The following CCNG2 variants were observed in gnomAD, a reference collection of about 807,000 sequenced individuals.
CCNG2 encodes the protein cyclin-G2.
In CCNG2, 20 loss-of-function variants were observed where a neutral mutation model predicts 36.5. The observed-to-expected ratio is 0.55, with a 90% CI of 0.39 to 0.80. The LOEUF (loss-of-function observed/expected upper bound fraction) is 0.80. Among genes scored for constraint, CCNG2 ranks in the 30% least tolerant of loss-of-function variants. The probability of loss-of-function intolerance (pLI) is 0.00; values close to 1 mark genes in which losing one functional copy is unlikely to be tolerated. For missense variants in CCNG2, 358 were observed against 390.8 expected (o/e 0.92, Z 0.71); for synonymous variants, 155 against 140.1 (o/e 1.11, Z -0.75).
At chr4:77,161,580 GTATA>G in intron 5 of CCNG2, 22 bp downstream of exon 5, 1 of 1,587,644 alleles carries the variant, frequency 6.3e-7, no homozygotes, top group Middle Eastern at 1.7e-4. Context: ...CCTTGCTTAT[GTATA>G]TATCTCACAG....
At chr4:77,159,237 T>C (rs1731360397) in intron 2 of CCNG2, 130 bp from the exon 3 acceptor site, 6 of 731,764 alleles carry the variant, frequency 8.2e-6, no homozygotes, top group South Asian at 1.9e-5. Context: ...TCCACCTATA[T>C]TCTTGAAGAT....
intron 2 of CCNG2, 114 bp from the exon 3 acceptor site, chr4:77,159,253 G>GA: frequency 1.1e-6 from 1 of 916,698 alleles, no homozygotes; most frequent in Non-Finnish European, 1.6e-6. Flanking sequence ...AAGATTGAGG[G>GA]AAAAAAATTA....
rs1157052614 is a variant in CCNG2, at chr4:77,167,239, A to G, written c.*1315A>G. On this transcript the variant is annotated 3_prime_UTR_variant, in exon 8 of 8. Coordinates refer to ENST00000316355, the MANE Select transcript of CCNG2 (RefSeq NM_004354.3). Reference sequence around the variant, plus strand: ...GTTTGGGATCACATCTTAATTTTTAATCTGTTAAAAGTTCTTGATGTATTT... The same window carrying G: ...GTTTGGGATCACATCTTAATTTTTAGTCTGTTAAAAGTTCTTGATGTATTT... 1 of 152,170 alleles carries G rather than the reference A, an allele frequency of 6.6e-6. No homozygotes were observed. The highest frequency in any genetic ancestry group is 6.5e-5 in the Admixed American group (1 of 15,282). The allele number at this position is 152,170 out of a possible 1,614,324, so 9.4% of individuals were successfully genotyped here. A position where few individuals can be genotyped will look rare whatever the true frequency, so the allele number is the denominator to read the frequency against.
At chr4:77,162,096 A>G (rs942366598) in intron 6 of CCNG2, among the ~76,000 whole-genome samples, 6 of 152,232 alleles carry the variant, frequency 3.9e-5, no homozygotes, top group Non-Finnish European at 8.8e-5. Flanking sequence ...ATGGGATCCC[A>G]TCACACCTGT....
At chr4:77,164,677 C>G (rs1731580348) in intron 7 of CCNG2, 198 bp downstream of exon 7, 2 of 488,936 alleles carry the variant, frequency 4.1e-6, no homozygotes, top group Non-Finnish European at 7.2e-6. Flanking sequence ...AAGGTCCTCT[C>G]CAATTTTTTT....
At chr4:77,163,191 G>C (rs1731533026) in intron 6 of CCNG2, among the ~76,000 whole-genome samples, 1 of 152,114 alleles carries the variant, frequency 6.6e-6, no homozygotes, top group Admixed American at 6.5e-5. Context: ...AATCCTTTTT[G>C]TAGGGGTCAG....
chr4:77,166,781 T>G lies in CCNG2; in HGVS notation c.*857T>G, dbSNP rs1170136011. ...TAAAAAATGTCTGCATGATTACATT[T>G]TATTTCCTTTGTAATTTACATTTCA... On this transcript the variant is annotated 3_prime_UTR_variant, in exon 8 of 8. Transcript: ENST00000316355. 1 of 152,222 alleles carries G rather than the reference T, an allele frequency of 6.6e-6. No homozygotes were observed. The highest frequency in any genetic ancestry group is 2.4e-5 in the African/African-American group (1 of 41,458). 9.4% of individuals were successfully genotyped at this position (152,222 alleles called of 1,614,324 possible). A position where few individuals can be genotyped will look rare whatever the true frequency, so the allele number is the denominator to read the frequency against.
chr4:77,161,772 G>C (rs753832275), intron 6 of CCNG2, 25 bp downstream of exon 6: 3 of 1,475,536 alleles, frequency 2.0e-6, no homozygotes, highest in South Asian at 1.2e-5. Flanking sequence ...TATTCTTTAA[G>C]GCAAATTTTT....
rs1366926449 is a variant in CCNG2, at chr4:77,161,673, C to G, written c.631C>G (p.Leu211Val). Residue 211 changes from leucine (L) to valine (V), a missense_variant, in exon 6 of 8, where the codon CTC (leucine) becomes GTC (valine). Leu to Val is a conservative substitution (Grantham distance 32). Coordinates refer to ENST00000316355, the MANE Select transcript of CCNG2 (RefSeq NM_004354.3). ...AKPSVLALCLLNLEVETLKSV... is the reference protein window; with the variant it reads ...AKPSVLALCLVNLEVETLKSV... The stretch of plus-strand genomic sequence containing the variant: ...GCCATCTGTATTAGCCTTGTGCCTT[C>G]TCAATTTGGAAGTGGAAACTTTGAA... 2.5e-6 allele frequency: 4 copies of G among 1,606,466 alleles called. No homozygotes were observed. The highest frequency in any genetic ancestry group is 3.4e-6 in the Non-Finnish European group (4 of 1,177,308).
In CCNG2 at chr4:77,162,508, G is replaced by A. The variant is rs4150079; in HGVS notation, c.705+761G>A. Among the ~76,000 whole-genome samples, 202 of 148,252 alleles carry A rather than the reference G, an allele frequency of 1.4e-3. 3 individuals are homozygous for A. Among genetic ancestry groups the A allele is most frequent in the African/African-American group, 4.9e-3 (197 of 40,190 alleles). ...AGTGATTCTCCTGCGTCAACCTCCCGAGTAGCTGGGGCTACAGGTGCTCAC... is the reference window on the plus strand; with the variant it reads ...AGTGATTCTCCTGCGTCAACCTCCCAAGTAGCTGGGGCTACAGGTGCTCAC... On this transcript the variant is annotated intron_variant, in intron 6 of 7. Transcript: ENST00000316355.
chr4:77,159,655 GACT>G (rs1274933624), intron 3 of CCNG2, 151 bp downstream of exon 3: 4 of 728,580 alleles, frequency 5.5e-6, no homozygotes, highest in East Asian at 5.6e-5. Context: ...GCCAGAATAA[GACT>G]ACAAGATTAA....
chr4:77,159,372 TA>T lies in CCNG2; in HGVS notation c.146del (p.Asn49ThrfsTer7). The T allele has an allele frequency of 1.2e-6, 2 of 1,607,854 alleles. No homozygotes were observed. Among genetic ancestry groups the T allele is most frequent in the East Asian group, 2.2e-5 (1 of 44,796 alleles). On this transcript the variant is annotated frameshift_variant, in exon 3 of 8. Coordinates refer to ENST00000316355, the MANE Select transcript of CCNG2 (RefSeq NM_004354.3). LOFTEE classifies it high-confidence loss of function. ...SLIEATPEND[N>X]TLCPGLRNAK... Reference sequence around the variant, plus strand: ...GTTCTTGGTTTTTATTGCAGAATGATAACACTTTGTGTCCAGGATTGAGAAA... The same window carrying T: ...GTTCTTGGTTTTTATTGCAGAATGATACACTTTGTGTCCAGGATTGAGAAA...
Position 77,169,028 on chromosome 4 carries a change from C to T in CCNG2, c.*3104C>T, listed in dbSNP as rs1417701330. On this transcript the variant is annotated 3_prime_UTR_variant, in exon 8 of 8. Coordinates refer to ENST00000316355, the MANE Select transcript of CCNG2 (RefSeq NM_004354.3). Reference sequence around the variant, plus strand: ...ATCTGTTTGGCTCTGCTACTGTTTCCTCCTCCCAGGAAGTGTGGTTAGACA... The same window carrying T: ...ATCTGTTTGGCTCTGCTACTGTTTCTTCCTCCCAGGAAGTGTGGTTAGACA... 1 of 152,250 alleles carries T rather than the reference C, an allele frequency of 6.6e-6. No homozygotes were observed. Among genetic ancestry groups the T allele is most frequent in the Non-Finnish European group, 1.5e-5 (1 of 68,088 alleles). The allele number at this position is 152,250 out of a possible 1,614,324, so 9.4% of individuals were successfully genotyped here. A position where few individuals can be genotyped will look rare whatever the true frequency, so the allele number is the denominator to read the frequency against.
Position 77,158,592 on chromosome 4 carries a change from G to T in CCNG2, c.60G>T (p.Leu20Phe). ...AGHEGVQLLG[L>F]LNVYLEQEER... Reference sequence around the variant, plus strand: ...ATGAAGGGGTCCAACTTCTCGGGTTGTTGAACGTCTACCTGGAACAAGAAG... The same window carrying T: ...ATGAAGGGGTCCAACTTCTCGGGTTTTTGAACGTCTACCTGGAACAAGAAG... Residue 20 changes from leucine (L) to phenylalanine (F), a missense_variant, in exon 2 of 8, where the codon TTG becomes TTT. Coordinates refer to ENST00000316355, the MANE Select transcript of CCNG2 (RefSeq NM_004354.3). 1 of 1,614,178 alleles carries T rather than the reference G, an allele frequency of 6.2e-7. No homozygotes were observed. The highest frequency in any genetic ancestry group is 8.5e-7 in the Non-Finnish European group (1 of 1,180,014).
Position 77,167,104 on chromosome 4 carries a change from A to G in CCNG2, c.*1180A>G, listed in dbSNP as rs1024352072. The G allele has an allele frequency of 6.6e-6, 1 of 152,204 alleles. No individual in the cohort carries two copies. Among genetic ancestry groups the G allele is most frequent in the Non-Finnish European group, 1.5e-5 (1 of 68,036 alleles). The allele number at this position is 152,204 out of a possible 1,614,324, so 9.4% of individuals were successfully genotyped here. Reference sequence around the variant, plus strand: ...CTGTAGTATAAATCATACATTGATGACTTACATTTTTACTGGTAAGTCAAC... The same window carrying G: ...CTGTAGTATAAATCATACATTGATGGCTTACATTTTTACTGGTAAGTCAAC... On this transcript the variant is annotated 3_prime_UTR_variant, in exon 8 of 8. Coordinates refer to ENST00000316355, the MANE Select transcript of CCNG2 (RefSeq NM_004354.3).
Position 77,158,279 on chromosome 4 carries a change from A to G in CCNG2, c.1-254A>G, listed in dbSNP as rs538963654. On this transcript the variant is annotated intron_variant, in intron 1 of 7. Coordinates refer to ENST00000316355, the MANE Select transcript of CCNG2 (RefSeq NM_004354.3). Reference sequence around the variant, plus strand: ...GACAGTTTCCTGTTTGTGAAACGCCAAGAGGCCAGGGCTGGCCGGTCTTAC... The same window carrying G: ...GACAGTTTCCTGTTTGTGAAACGCCGAGAGGCCAGGGCTGGCCGGTCTTAC... The G allele has an allele frequency of 5.4e-4, 251 of 468,882 alleles. 1 individual carries two copies. Among genetic ancestry groups the G allele is most frequent in the Admixed American group, 1.2e-3 (32 of 26,320 alleles). The allele number at this position is 468,882 out of a possible 1,614,324, so 29.0% of individuals were successfully genotyped here.
chr4:77,159,755 C>T (rs534803633), intron 3 of CCNG2, among the ~76,000 whole-genome samples: 1 of 152,158 alleles, frequency 6.6e-6, no homozygotes, highest in Non-Finnish European at 1.5e-5. Flanking sequence ...AAAAGAGAGA[C>T]TACTATTTTT....
chr4:77,160,764 T>C lies in CCNG2; in HGVS notation c.320T>C (p.Leu107Ser). The C allele has an allele frequency of 1.9e-6, 3 of 1,614,090 alleles. No individual in the cohort carries two copies. Among genetic ancestry groups the C allele is most frequent in the Non-Finnish European group, 2.5e-6 (3 of 1,180,004 alleles). Residue 107 changes from leucine (L) to serine (S), a missense_variant, in exon 4 of 8, where the codon TTG becomes TCG. Coordinates refer to ENST00000316355, the MANE Select transcript of CCNG2 (RefSeq NM_004354.3). ...HLSCIGVCSFLLAARIVEEDC... is the reference protein window; with the variant it reads ...HLSCIGVCSFSLAARIVEEDC... ...TCTTGCATTGGAGTCTGTTCTTTTT[T>C]GCTGGCTGCTAGAATAGTTGAAGAA...
In CCNG2 at chr4:77,159,389, G is replaced by C; in HGVS notation, c.161G>C (p.Gly54Ala). The C allele has an allele frequency of 6.2e-7, 1 of 1,613,208 alleles. No homozygotes were observed. Among genetic ancestry groups the C allele is most frequent in the Non-Finnish European group, 8.5e-7 (1 of 1,179,570 alleles). ...CAGAATGATAACACTTTGTGTCCAGGATTGAGAAATGCCAAAGTTGAAGAT... is the reference window on the plus strand; with the variant it reads ...CAGAATGATAACACTTTGTGTCCAGCATTGAGAAATGCCAAAGTTGAAGAT... ...TPENDNTLCP[G>A]LRNAKVEDLR... Residue 54 changes from glycine to alanine, a missense_variant, in exon 3 of 8, where the codon GGA (glycine) becomes GCA (alanine). By Grantham distance (60) the Gly-to-Ala change is moderately conservative. Coordinates refer to ENST00000316355, the MANE Select transcript of CCNG2 (RefSeq NM_004354.3).
Sources: allele counts gnomAD v4.1 joint callset (sites outside exome capture counted in the v4.1 genomes callset), GRCh38; gene constraint gnomAD v4.1.1; transcripts MANE v1.5; gene names NCBI Gene and HGNC (gene_info 2026-07-23, HGNC 2026-07-21).